Variants in ARHGAP42 observed in about 807,000 individuals in gnomAD.
The protein encoded by ARHGAP42 is Rho GTPase activating protein 42.
In ARHGAP42, 63 loss-of-function variants were observed where a neutral mutation model predicts 125.0. The ratio of observed to expected loss-of-function variants is 0.50; its 90% CI spans 0.41 to 0.62. ARHGAP42 has a LOEUF of 0.62. Among genes scored for constraint, ARHGAP42 ranks in the 20% least tolerant of loss-of-function variants. ARHGAP42 has a pLI of 0.00. For synonymous variants in ARHGAP42, 339 were observed against 351.0 expected, an observed-to-expected ratio of 0.97 and a Z score of 0.38; for missense variants, 766 against 1,024.2, an observed-to-expected ratio of 0.75 and a Z score of 3.44.
chr11:100,701,159 T>G (rs77333916), intron 1 of ARHGAP42, among the ~76,000 whole-genome samples: 50 of 152,212 alleles, frequency 3.3e-4, no homozygotes, highest in African/African-American at 8.4e-4. Context: ...TTTTTTTTTT[T>G]TCTGAGCAAT....
intron 22 of ARHGAP42, among the ~76,000 whole-genome samples, chr11:100,981,150 A>G (rs1430848270): frequency 6.6e-6 from 1 of 152,184 alleles, no homozygotes; most frequent in African/African-American, 2.4e-5. Context: ...CTTTATCCAT[A>G]CAATGAAGAT....
chr11:100,976,672 TG>T lies in ARHGAP42; in HGVS notation c.2237-140del, dbSNP rs1391078449. The T allele has an allele frequency of 2.7e-6, 3 of 1,123,670 alleles. No homozygotes were observed. The East Asian group carries it at 7.8e-5, about 29-fold the overall frequency. The allele number at this position is 1,123,670 out of a possible 1,614,324, so 69.6% of individuals were successfully genotyped here. On this transcript the variant is annotated intron_variant, in intron 20 of 23. Transcript: ENST00000298815. Reference sequence around the variant, plus strand: ...TGTAGATTTTGATCTCCCCAAGTGATGGGTTGCTGTACTCAAAGAACATTCT... The same window carrying T: ...TGTAGATTTTGATCTCCCCAAGTGATGGTTGCTGTACTCAAAGAACATTCT...
At chr11:100,870,755 A>T (rs1200418532) in intron 4 of ARHGAP42, among the ~76,000 whole-genome samples, 1 of 152,200 alleles carries the variant, frequency 6.6e-6, no homozygotes, top group African/African-American at 2.4e-5. Flanking sequence ...AAACAGGAGT[A>T]TGTTTCAAGC....
chr11:100,733,194 T>TTAAC (rs1861990777), intron 1 of ARHGAP42, among the ~76,000 whole-genome samples: 1 of 152,244 alleles, frequency 6.6e-6, no homozygotes, highest in African/African-American at 2.4e-5. Context: ...TCATGACAAG[T>TTAAC]TAATCAATAT....
intron 3 of ARHGAP42, among the ~76,000 whole-genome samples, chr11:100,813,787 T>G (rs1245120856): frequency 6.6e-6 from 1 of 152,196 alleles, no homozygotes; most frequent in Non-Finnish European, 1.5e-5. Context: ...ATTGCTATAT[T>G]TTCTATTCTT....
intron 3 of ARHGAP42, among the ~76,000 whole-genome samples, chr11:100,820,158 C>G (rs761234781): frequency 6.6e-6 from 1 of 152,032 alleles, no homozygotes; most frequent in South Asian, 2.1e-4. Context: ...ATTGTATCTT[C>G]CTTTCTCTAG....
chr11:100,742,293 A>C (rs1159001164), intron 1 of ARHGAP42, among the ~76,000 whole-genome samples: 1 of 152,138 alleles, frequency 6.6e-6, no homozygotes, highest in African/African-American at 2.4e-5. Flanking sequence ...ATTTCCTTGG[A>C]AAGTTTGAAA....
In ARHGAP42 at chr11:100,733,971, G is replaced by C. The variant is rs549180047; in HGVS notation, c.155-36372G>C. Among the ~76,000 whole-genome samples the C allele has an allele frequency of 4.1e-3, 502 of 122,152 alleles. 5 individuals carry two copies. Among genetic ancestry groups the C allele is most frequent in the African/African-American group, 0.015 (485 of 32,526 alleles). The allele number at this position is 122,152 out of a possible 152,430, so 80.1% of individuals were successfully genotyped here. A position where few individuals can be genotyped will look rare whatever the true frequency, so the allele number is the denominator to read the frequency against. On this transcript the variant is annotated intron_variant, in intron 1 of 23. Transcript: ENST00000298815. ...TTTTTTTTAAATGGAGTCTAGCTCT[G>C]TCGCCCAGGCTGGAGTGCAGTGGCA...
chr11:100,792,295 G>A (rs1214022903), intron 2 of ARHGAP42, among the ~76,000 whole-genome samples: 2 of 152,254 alleles, frequency 1.3e-5, no homozygotes, highest in South Asian at 2.1e-4. Flanking sequence ...ATTTAGACTA[G>A]TATGAAAATA....
chr11:100,914,403 C>T (rs75760492), intron 5 of ARHGAP42, among the ~76,000 whole-genome samples: 7,984 of 152,084 alleles, frequency 0.052, 398 homozygotes, highest in East Asian at 0.25. Flanking sequence ...AAAATCAAAG[C>T]CACTTCTTTT....
intron 1 of ARHGAP42, among the ~76,000 whole-genome samples, chr11:100,757,966 G>A (rs1463693297): frequency 6.6e-6 from 1 of 152,116 alleles, no homozygotes; most frequent in Non-Finnish European, 1.5e-5. Flanking sequence ...CAATCTTTAA[G>A]AGAACCTTAG....
intron 14 of ARHGAP42, 122 bp downstream of exon 14, chr11:100,961,111 G>A (rs1857941882): frequency 5.0e-6 from 3 of 596,698 alleles, no homozygotes; most frequent in East Asian, 6.4e-5. Flanking sequence ...GTTCATATAT[G>A]TATTCAGTTT....
At chr11:100,703,677 G>A (rs1861433399) in intron 1 of ARHGAP42, among the ~76,000 whole-genome samples, 1 of 152,188 alleles carries the variant, frequency 6.6e-6, no homozygotes, top group Admixed American at 6.6e-5. Context: ...TTGCCATTTA[G>A]GGCTTAATGA....
chr11:100,898,029 T>C (rs1866411986), intron 4 of ARHGAP42, among the ~76,000 whole-genome samples: 1 of 152,214 alleles, frequency 6.6e-6, no homozygotes, highest in South Asian at 2.1e-4. Flanking sequence ...ATACCTAGTT[T>C]ATTGAGAGTT....
chr11:100,962,059 G>T (rs1565296430), intron 15 of ARHGAP42, among the ~76,000 whole-genome samples: 1 of 152,064 alleles, frequency 6.6e-6, no homozygotes, highest in African/African-American at 2.4e-5. Context: ...ATAACAAATT[G>T]GAATGGAAAG....
intron 22 of ARHGAP42, among the ~76,000 whole-genome samples, chr11:100,985,272 A>C (rs980717521): frequency 1.3e-5 from 2 of 152,076 alleles, no homozygotes; most frequent in Admixed American, 6.6e-5. Context: ...TTCCTTATCG[A>C]TCTCTTTATA....
rs528022022 is a variant in ARHGAP42, at chr11:100,904,318, A to T, written c.385-9134A>T. On this transcript the variant is annotated intron_variant, in intron 4 of 23. Coordinates refer to ENST00000298815, the MANE Select transcript of ARHGAP42 (RefSeq NM_152432.4). ...AAGTACAGTGGTGTGATCTCTGCTC[A>T]CTGCAACCTCCTCTGCCTCTCAGAT... Among the ~76,000 whole-genome samples the T allele has an allele frequency of 1.8e-4, 26 of 148,270 alleles. No homozygotes were observed. The South Asian group carries it at 5.6e-3, about 32-fold the overall frequency.
intron 4 of ARHGAP42, among the ~76,000 whole-genome samples, chr11:100,875,677 AAC>A (rs1429798569): frequency 1.1e-3 from 171 of 152,270 alleles, no homozygotes; most frequent in Admixed American, 3.5e-3. Context: ...AACAGAGGTC[AAC>A]CCCATCCCAC....
chr11:100,784,756 C>T (rs912264109), intron 2 of ARHGAP42, among the ~76,000 whole-genome samples: 4 of 152,044 alleles, frequency 2.6e-5, no homozygotes, highest in Admixed American at 2.6e-4. Context: ...GTTATACCTA[C>T]AGTAGTGAAA....
Sources: allele counts gnomAD v4.1 joint callset (sites outside exome capture counted in the v4.1 genomes callset), GRCh38; gene constraint gnomAD v4.1.1; transcripts MANE v1.5; gene names NCBI Gene and HGNC (gene_info 2026-07-23, HGNC 2026-07-21).